The following HECW1 variants were observed in gnomAD, a reference collection of about 807,000 sequenced individuals.
The protein encoded by HECW1 is HECT, C2 and WW domain containing E3 ubiquitin protein ligase 1, also known as E3 ubiquitin-protein ligase HECW1.
Under a neutral mutation model 182.3 loss-of-function variants are expected in HECW1, and 61 were observed. The ratio of observed to expected loss-of-function variants is 0.33; its 90% CI spans 0.27 to 0.41. HECW1 has a LOEUF of 0.41. Among genes scored for constraint, HECW1 ranks in the 10% least tolerant of loss-of-function variants. HECW1 has a pLI of 1.00. For synonymous variants in HECW1, 859 were observed against 832.6 expected (o/e 1.03, Z -0.55); for missense variants, 1,739 against 2,108.9 (o/e 0.82, Z 3.44).
At chr7:43,480,862 A>C (rs1432465526) in intron 17 of HECW1, among the ~76,000 whole-genome samples, 1 of 152,124 alleles carries the variant, frequency 6.6e-6, no homozygotes, top group Non-Finnish European at 1.5e-5. Context: ...ATAAGTCTCA[A>C]GGGAAGAGCC....
intron 24 of HECW1, among the ~76,000 whole-genome samples, chr7:43,529,083 T>C (rs1279033708): frequency 2.6e-5 from 4 of 152,076 alleles, no homozygotes; most frequent in African/African-American, 9.7e-5. Context: ...AGCCACCTGC[T>C]CCCACAGTGG....
At chr7:43,406,873 C>T (rs1169127441) in intron 7 of HECW1, among the ~76,000 whole-genome samples, 3 of 152,058 alleles carry the variant, frequency 2.0e-5, no homozygotes, top group African/African-American at 7.2e-5. Flanking sequence ...GAGCCAAGAT[C>T]CCACCACTGC....
chr7:43,495,125 T>TA (rs1389411077), intron 19 of HECW1, among the ~76,000 whole-genome samples: 1 of 152,180 alleles, frequency 6.6e-6, no homozygotes, highest in African/African-American at 2.4e-5. Flanking sequence ...TAATTTTTTT[T>TA]ATTATACTTC....
At chr7:43,335,751 C>G (rs1414119010) in intron 5 of HECW1, among the ~76,000 whole-genome samples, 2 of 145,976 alleles carry the variant, frequency 1.4e-5, no homozygotes, top group Non-Finnish European at 3.0e-5. Context: ...CTCCTTTCCT[C>G]TCTTTCTTTC....
chr7:43,148,017 T>A (rs1788904614), intron 2 of HECW1, among the ~76,000 whole-genome samples: 1 of 152,252 alleles, frequency 6.6e-6, no homozygotes, highest in African/African-American at 2.4e-5. Flanking sequence ...ATAACAGTTG[T>A]TCCCAATTCT....
intron 2 of HECW1, chr7:43,118,274 A>G (rs1424736961): frequency 6.5e-6 from 1 of 152,738 alleles, no homozygotes; most frequent in Non-Finnish European, 1.5e-5. Flanking sequence ...CAGGGATTGT[A>G]ATTCAATCAT....
Position 43,463,807 on chromosome 7 carries a change from A to G in HECW1, c.2791+8A>G. 1.2e-6 allele frequency: 2 copies of G among 1,613,136 alleles called. No individual in the cohort carries two copies. Among genetic ancestry groups the G allele is most frequent in the South Asian group, 2.2e-5 (2 of 91,042 alleles). ...CTTCCCAGTCCAGCTTAGGTATTGG[A>G]GGAGGGGTCCCCACAACCTGTGATG... On this transcript the variant is annotated splice_region_variant and intron_variant, in intron 14 of 29. Transcript: ENST00000395891.
rs1261739700 is a variant in HECW1 at position 43,501,084 on chromosome 7, T to G, written c.3522-129T>G. The G allele has an allele frequency of 6.5e-6, 4 of 619,432 alleles. No individual in the cohort carries two copies. The Admixed American group carries it at 8.7e-5, about 13-fold the overall frequency. 38.4% of individuals were successfully genotyped at this position (619,432 alleles called of 1,614,324 possible). ...TGTACCTATCTTTCTGTACTACATT[T>G]AAATCTAATTGCTTTTGTTGCTTTG... On this transcript the variant is annotated intron_variant, in intron 20 of 29. Coordinates refer to ENST00000395891, the MANE Select transcript of HECW1 (RefSeq NM_015052.5).
Position 43,332,634 on chromosome 7 carries a change from C to A in HECW1, c.460+11892C>A, listed in dbSNP as rs185997692. Among the ~76,000 whole-genome samples the A allele has an allele frequency of 4.1e-4, 62 of 152,328 alleles. No homozygotes were observed. In the East Asian group the frequency reaches 5.2e-3, roughly 13 times the overall value. ...CACAGACAGACACAGCAGATGGGAG[C>A]AAAGGCGGCTGCGGTCACTTCAGGA... On this transcript the variant is annotated intron_variant, in intron 5 of 29. Coordinates refer to ENST00000395891, the MANE Select transcript of HECW1 (RefSeq NM_015052.5).
chr7:43,378,130 GA>G (rs1400543519), intron 6 of HECW1, among the ~76,000 whole-genome samples: 1 of 152,036 alleles, frequency 6.6e-6, no homozygotes, highest in East Asian at 1.9e-4. Flanking sequence ...TTTCAGATTT[GA>G]AAAAAAGCTT....
rs1192815353 is a variant in HECW1, at chr7:43,468,989, C to T, written c.2983C>T (p.Arg995Cys). Residue 995 changes from arginine (R) to cysteine (C), a missense_variant, in exon 16 of 30, where the codon CGC (arginine) becomes TGC (cysteine). By Grantham distance (180) the Arg-to-Cys change is radical (BLOSUM62 -3). Around this residue, in one of 5 missense-constraint regions of HECW1, gnomAD observed 971 missense variants for 1,029.1 expected, o/e 0.94. Transcript: ENST00000395891. Reference sequence around the variant, plus strand: ...GATTCTGAAAGTCCGACGGGATGCTCGCAATTTTGAACGCTACCAGCACAA... The same window carrying T: ...GATTCTGAAAGTCCGACGGGATGCTTGCAATTTTGAACGCTACCAGCACAA... Reference protein sequence around the residue: ...HMILKVRRDARNFERYQHNRD... With the variant: ...HMILKVRRDACNFERYQHNRD... 12 of 1,614,088 alleles carry T rather than the reference C, an allele frequency of 7.4e-6. No homozygotes were observed. The highest frequency in any genetic ancestry group is 4.5e-5 in the East Asian group (2 of 44,888).
rs780933393 is a variant in HECW1 at position 43,311,925 on chromosome 7, C to T, written c.190C>T (p.Pro64Ser). The change falls in exon 4 of 30, where the codon CCC becomes TCC. Residue 64 changes from proline to serine, a missense_variant. By Grantham distance (74) the Pro-to-Ser change is moderately conservative. This residue lies in a region of HECW1 where 279 missense variants were observed against 353.1 expected (regional missense o/e 0.79). Coordinates refer to ENST00000395891, the MANE Select transcript of HECW1 (RefSeq NM_015052.5). Reference protein sequence around the residue: ...RGGPHDGVTIPRSTSDTDLVT... With the variant: ...RGGPHDGVTISRSTSDTDLVT... ...CGGCCCCCACGATGGCGTCACCATTCCCCGCTCCACCAGCGACACTGACCT... is the reference window on the plus strand; with the variant it reads ...CGGCCCCCACGATGGCGTCACCATTTCCCGCTCCACCAGCGACACTGACCT... 11 of 1,614,114 alleles carry T rather than the reference C, an allele frequency of 6.8e-6. No homozygotes were observed. Among genetic ancestry groups the T allele is most frequent in the Non-Finnish European group, 7.6e-6 (9 of 1,180,048 alleles).
intron 9 of HECW1, chr7:43,438,440 G>T (rs1477983861): frequency 4.8e-6 from 1 of 209,980 alleles, no homozygotes; most frequent in Non-Finnish European, 9.4e-6. Context: ...GCATTTTTCT[G>T]TACAGGTAGA....
intron 9 of HECW1, chr7:43,439,742 C>G (rs1293447476): frequency 1.3e-5 from 2 of 152,282 alleles, no homozygotes; most frequent in African/African-American, 4.8e-5. Context: ...AGCACTGTCC[C>G]GCCCTCCAAG....
At chr7:43,264,611 C>G (rs192511433) in intron 3 of HECW1, among the ~76,000 whole-genome samples, 2 of 152,094 alleles carry the variant, frequency 1.3e-5, no homozygotes, top group Non-Finnish European at 2.9e-5. Context: ...TTTGGGAGGC[C>G]AAGGCGGGCA....
At chr7:43,374,054 G>A (rs1317083851) in intron 6 of HECW1, among the ~76,000 whole-genome samples, 4 of 152,122 alleles carry the variant, frequency 2.6e-5, no homozygotes, top group African/African-American at 7.2e-5. Context: ...GAGGATCCAC[G>A]GGTTGCTTGA....
chr7:43,517,164 G>A (rs1291224029), intron 24 of HECW1, among the ~76,000 whole-genome samples: 2 of 152,128 alleles, frequency 1.3e-5, no homozygotes, highest in Non-Finnish European at 2.9e-5. Flanking sequence ...CAGATTTGAT[G>A]CTGTTAATCA....
chr7:43,229,913 T>C (rs921680999), intron 2 of HECW1, among the ~76,000 whole-genome samples: 47 of 152,194 alleles, frequency 3.1e-4, no homozygotes, highest in African/African-American at 1.1e-3. Flanking sequence ...TTTTTTGCCA[T>C]ACTTTTGATG....
intron 2 of HECW1, among the ~76,000 whole-genome samples, chr7:43,133,081 T>C (rs1265069361): frequency 6.6e-6 from 1 of 152,130 alleles, no homozygotes; most frequent in East Asian, 1.9e-4. Context: ...CGTTTTTTCC[T>C]TTGACCTAAT....
Sources: allele counts gnomAD v4.1 joint callset (sites outside exome capture counted in the v4.1 genomes callset), GRCh38; gene constraint gnomAD v4.1.1; regional missense constraint gnomAD v4.1.1; transcripts MANE v1.5; gene names NCBI Gene and HGNC (gene_info 2026-07-23, HGNC 2026-07-21).